DRC1: variants seen among roughly 807,000 people sequenced by gnomAD.
The protein encoded by DRC1 is dynein regulatory complex protein 1.
DRC1 carries 74 observed loss-of-function variants against 98.7 expected under a neutral mutation model. The observed-to-expected ratio is 0.75, with a 90% confidence interval of 0.62 to 0.91. DRC1 has a LOEUF of 0.91. DRC1 is among the 40% of genes least tolerant of loss of function. The probability of loss-of-function intolerance (pLI) is 0.00; values close to 1 mark genes in which losing one functional copy is unlikely to be tolerated. For missense variants in DRC1, 875 were observed against 886.0 expected (o/e 0.99, Z 0.16); for synonymous variants, 336 against 334.1 (o/e 1.01, Z -0.06).
intron 4 of DRC1, among the ~76,000 whole-genome samples, chr2:26,427,436 T>C (rs1463732320): frequency 6.6e-6 from 1 of 152,048 alleles, no homozygotes; most frequent in African/African-American, 2.4e-5. Context: ...AATTTAAAAT[T>C]AAAAAATTTT....
At position 26,453,193 on chromosome 2, in the gene DRC1, T is replaced by G. The variant is rs151312418; in HGVS notation, c.1690-127T>G. 3.9e-4 allele frequency: 425 copies of G among 1,091,636 alleles called. 1 individual carries two copies. The African/African-American group carries it at 5.5e-3, about 14-fold the overall frequency. 67.6% of individuals were successfully genotyped at this position (1,091,636 alleles called of 1,614,324 possible). ...ACTCTTTCTCCTGTTTCTGTCCCTG[T>G]GTAAATGTCTCCCTGGGCAAGCTGT... On this transcript the variant is annotated intron_variant, in intron 13 of 16. Transcript: ENST00000288710.
rs1263727650 is a variant in DRC1, at chr2:26,429,825, G to A, written c.678+60G>A. 9.5e-6 allele frequency: 15 copies of A among 1,581,182 alleles called. No individual in the cohort carries two copies. The East Asian group carries it at 2.9e-4, about 31-fold the overall frequency. ...TGGAGGGCCCCTGGGAGGAGGTCTA[G>A]GTCTGTCCTAATAATCTAAGGAGGG... On this transcript the variant is annotated intron_variant, in intron 5 of 16. Coordinates refer to ENST00000288710, the MANE Select transcript of DRC1 (RefSeq NM_145038.5).
Position 26,454,556 on chromosome 2 carries a change from G to A in DRC1, c.1920-91G>A, listed in dbSNP as rs975642214. 8 of 1,544,670 alleles carry A rather than the reference G, an allele frequency of 5.2e-6. No homozygotes were observed. In the African/African-American group the frequency reaches 1.1e-4, roughly 21 times the overall value. ...TGGACTGCTGAGTGGGAAGGTGACA[G>A]GTGGGAAAGCAGTAGGCCTGTGACT... On this transcript the variant is annotated intron_variant, in intron 14 of 16. Coordinates refer to ENST00000288710, the MANE Select transcript of DRC1 (RefSeq NM_145038.5). The surrounding 1 kb of genome is among the most constrained non-coding windows in gnomAD (Gnocchi z 5.2).
At position 26,429,532 on chromosome 2, in the gene DRC1, A is replaced by G. The variant is rs117442096; in HGVS notation, c.541-96A>G. ...TCTTTGTACAGTTTCATGTCCTAACATTGACAGATTCTGGTGAGAGGAGTC... is the reference window on the plus strand; with the variant it reads ...TCTTTGTACAGTTTCATGTCCTAACGTTGACAGATTCTGGTGAGAGGAGTC... On this transcript the variant is annotated intron_variant, in intron 4 of 16. Transcript: ENST00000288710. The G allele has an allele frequency of 5.6e-3, 8,341 of 1,491,724 alleles. 307 individuals carry two copies. In the South Asian group the frequency reaches 0.067, roughly 12 times the overall value. 92.4% of individuals were successfully genotyped at this position (1,491,724 alleles called of 1,614,324 possible).
intron 5 of DRC1, among the ~76,000 whole-genome samples, chr2:26,430,311 G>A (rs1663398539): frequency 6.6e-6 from 1 of 152,064 alleles, no homozygotes; most frequent in Non-Finnish European, 1.5e-5. Flanking sequence ...TTCCAAGATG[G>A]AAGAGAGCCA....
intron 7 of DRC1, among the ~76,000 whole-genome samples, chr2:26,437,826 A>C (rs764927113): frequency 6.6e-6 from 1 of 151,978 alleles, no homozygotes; most frequent in African/African-American, 2.4e-5. Flanking sequence ...AAAGTATTCT[A>C]GCCTGTAATC....
In DRC1 at chr2:26,456,373, C is replaced by T. The variant is rs190253715; in HGVS notation, c.2167-88C>T. On this transcript the variant is annotated intron_variant, in intron 16 of 16. Transcript: ENST00000288710. ...GGAGATGCGTGCAGGGCTTTGGAGG[C>T]CCATGGGAGAGCCAGCGTGGCTCGC... 5.2e-3 allele frequency: 7,950 copies of T among 1,535,256 alleles called. 37 individuals carry two copies. The highest frequency in any genetic ancestry group is 6.1e-3 in the Non-Finnish European group (6,789 of 1,113,548).
Position 26,454,612 on chromosome 2 carries a change from A to G in DRC1, c.1920-35A>G, listed in dbSNP as rs756753167. On this transcript the variant is annotated intron_variant, in intron 14 of 16. Coordinates refer to ENST00000288710, the MANE Select transcript of DRC1 (RefSeq NM_145038.5). The surrounding 1 kb of genome is among the most constrained non-coding windows in gnomAD (Gnocchi z 5.2). ...TGCCTGGGGGCCTGGGTAGTACCCA[A>G]TGGACATGACAATCACTGTGCTCTT... The G allele has an allele frequency of 1.9e-6, 3 of 1,612,016 alleles. No homozygotes were observed. Among genetic ancestry groups the G allele is most frequent in the Admixed American group, 3.3e-5 (2 of 59,902 alleles).
At chr2:26,440,706 C>A (rs567757281) in intron 8 of DRC1, among the ~76,000 whole-genome samples, 189 bp downstream of exon 8, 1 of 152,128 alleles carries the variant, frequency 6.6e-6, no homozygotes, top group African/African-American at 2.4e-5. Flanking sequence ...AAAGATCTTC[C>A]GTCCCCATTC....
Position 26,453,322 on chromosome 2 carries a change from C to A in DRC1, c.1692C>A (p.Ile564=). ...GTTGTCCGTGCATCTTTCTCCAGAT[C>A]AAGCCCTGCAGTCAGGCGAGCATGG... The part of the protein sequence containing the change: ...RAHRLSSSLQ[I]KPCSQASMEK... The change falls in exon 14 of 17, where the codon ATC becomes ATA. Residue 564 remains isoleucine, a splice_region_variant and synonymous_variant. Coordinates refer to ENST00000288710, the MANE Select transcript of DRC1 (RefSeq NM_145038.5). The A allele has an allele frequency of 6.2e-7, 1 of 1,614,124 alleles. No homozygotes were observed. Among genetic ancestry groups the A allele is most frequent in the South Asian group, 1.1e-5 (1 of 91,066 alleles).
chr2:26,424,193 T>C, intron 3 of DRC1, 78 bp from the exon 4 acceptor site: 2 of 1,543,428 alleles, frequency 1.3e-6, no homozygotes, highest in Non-Finnish European at 1.8e-6. Context: ...ATTCTAGAGA[T>C]TCTAGAGAAC....
At position 26,426,727 on chromosome 2, in the gene DRC1, A is replaced by G. The variant is rs573891733; in HGVS notation, c.540+2273A>G. On this transcript the variant is annotated intron_variant, in intron 4 of 16. Transcript: ENST00000288710. Reference sequence around the variant, plus strand: ...CCAACTTTGTTCTTTTCTCAAGACTATTTTGGCAATTTGGAGTCTCTTGAG... The same window carrying G: ...CCAACTTTGTTCTTTTCTCAAGACTGTTTTGGCAATTTGGAGTCTCTTGAG... Among the ~76,000 whole-genome samples, 8 of 152,226 alleles carry G rather than the reference A, an allele frequency of 5.3e-5. No individual in the cohort carries two copies. The East Asian group carries it at 1.3e-3, about 26-fold the overall frequency.
chr2:26,423,286 T>A (rs1312522598), intron 3 of DRC1, among the ~76,000 whole-genome samples: 3 of 144,546 alleles, frequency 2.1e-5, no homozygotes, highest in Non-Finnish European at 3.0e-5. Context: ...TTTCTTGAAA[T>A]AAAAAAGTCA....
At chr2:26,445,063 G>A in intron 10 of DRC1, 115 bp downstream of exon 10, 1 of 1,134,632 alleles carries the variant, frequency 8.8e-7, no homozygotes, top group Non-Finnish European at 1.2e-6. Flanking sequence ...ATGATTATTG[G>A]TATCGCTTTT....
intron 9 of DRC1, among the ~76,000 whole-genome samples, 164 bp downstream of exon 9, chr2:26,444,520 G>A (rs1044252611): frequency 6.6e-6 from 1 of 152,206 alleles, no homozygotes; most frequent in African/African-American, 2.4e-5. Context: ...CCCTTCACTT[G>A]CGTGTCACCT....
At chr2:26,424,670 G>A (rs539161150) in intron 4 of DRC1, among the ~76,000 whole-genome samples, 4 of 152,134 alleles carry the variant, frequency 2.6e-5, no homozygotes, top group African/African-American at 4.8e-5. Flanking sequence ...ATAGTTCATG[G>A]GCTGGATGAG....
chr2:26,451,253 C>T (rs533589088), intron 13 of DRC1, among the ~76,000 whole-genome samples: 10 of 152,266 alleles, frequency 6.6e-5, no homozygotes, highest in African/African-American at 2.2e-4. Flanking sequence ...CACCCTCCCT[C>T]AAAACCAGGT....
intron 4 of DRC1, 133 bp downstream of exon 4, chr2:26,424,587 T>C (rs1663236370): frequency 1.1e-6 from 1 of 935,736 alleles, no homozygotes; most frequent in Non-Finnish European, 1.5e-6. Flanking sequence ...GTACAAGTCA[T>C]GTTATAAACT....
chr2:26,441,192 T>C (rs1663709200), intron 8 of DRC1, among the ~76,000 whole-genome samples: 1 of 152,226 alleles, frequency 6.6e-6, no homozygotes, highest in Admixed American at 6.5e-5. Context: ...ACCATTGTGC[T>C]AGGCTCTGAG....
Sources: allele counts gnomAD v4.1 joint callset (sites outside exome capture counted in the v4.1 genomes callset), GRCh38; gene constraint gnomAD v4.1.1; non-coding constraint Gnocchi (gnomAD v3.1); transcripts MANE v1.5; gene names NCBI Gene and HGNC (gene_info 2026-07-23, HGNC 2026-07-21).